UVSSA: variants seen among roughly 807,000 people sequenced by gnomAD.
The protein encoded by UVSSA is UV-stimulated scaffold protein A.
UVSSA carries 72 observed loss-of-function variants against 73.9 expected under a neutral mutation model. The ratio of observed to expected loss-of-function variants is 0.97; its 90% CI spans 0.81 to 1.19. The LOEUF is 1.19. Among genes scored for constraint, UVSSA ranks in the 50% most tolerant of loss-of-function variants. The pLI is 0.00. For missense variants in UVSSA, 1,150 were observed against 965.0 expected (o/e 1.19, Z -2.54); for synonymous variants, 454 against 391.3 (o/e 1.16, Z -1.89).
chr4:1,351,055 G>A (rs1055690631), intron 3 of UVSSA, among the ~76,000 whole-genome samples: 5 of 150,742 alleles, frequency 3.3e-5, no homozygotes, highest in East Asian at 3.9e-4. Flanking sequence ...ACAGGCACAC[G>A]CCACCACACC....
At chr4:1,343,085 C>T (rs990185492), upstream of UVSSA, among the ~76,000 whole-genome samples, 12 of 151,968 alleles carry the variant, frequency 7.9e-5, no homozygotes, top group African/African-American at 2.7e-4. Flanking sequence ...TATTTGGGGA[C>T]GGTATTAGTT....
chr4:1,368,073 C>A (rs1231656485), intron 8 of UVSSA, among the ~76,000 whole-genome samples: 1 of 152,242 alleles, frequency 6.6e-6, no homozygotes, highest in Non-Finnish European at 1.5e-5. Flanking sequence ...GAGGTGTCTC[C>A]TGGAGGTGCT....
At position 1,353,076 on chromosome 4, in the gene UVSSA, C is replaced by T. The variant is rs1264405373; in HGVS notation, c.597C>T (p.Cys199=). Residue 199 remains cysteine (C), a synonymous_variant, in exon 5 of 14, where the codon TGC becomes TGT. Transcript: ENST00000389851. ...CCTGCTTGACGGAGGTAGAGAGCTG[C>T]TTTAGGCTGCTGGTGCCTTTTGACT... The part of the protein sequence containing the change: ...IESCLTEVES[C]FRLLVPFDFD... The T allele has an allele frequency of 2.5e-6, 4 of 1,612,986 alleles. No homozygotes were observed. Among genetic ancestry groups the T allele is most frequent in the Non-Finnish European group, 3.4e-6 (4 of 1,179,968 alleles).
intron 5 of UVSSA, 79 bp from the exon 6 acceptor site, chr4:1,354,656 C>T: frequency 1.5e-6 from 2 of 1,353,494 alleles, no homozygotes; most frequent in Non-Finnish European, 2.1e-6. Context: ...AGCAGCCTTC[C>T]TTGCATGGTC....
At chr4:1,388,923 T>C (rs1307168329), downstream of UVSSA, 1 of 152,218 alleles carries the variant, frequency 6.6e-6, no homozygotes, top group Admixed American at 6.5e-5. Flanking sequence ...TTAGCTTTAG[T>C]CACGTCACTA....
intron 7 of UVSSA, among the ~76,000 whole-genome samples, chr4:1,361,186 C>T (rs565496013): frequency 6.6e-6 from 1 of 152,358 alleles, no homozygotes; most frequent in African/African-American, 2.4e-5. Context: ...AGGCCTCCTC[C>T]TCTCACACCC....
chr4:1,372,794 T>A (rs5015163), intron 8 of UVSSA, among the ~76,000 whole-genome samples: 48 of 43,766 alleles, frequency 1.1e-3, no homozygotes, highest in Middle Eastern at 0.011. Context: ...CCCGCGTCCC[T>A]GCACTCACCT....
At position 1,376,146 on chromosome 4, in the gene UVSSA, C is replaced by T; in HGVS notation, c.1546C>T (p.Pro516Ser). 6.2e-7 allele frequency: 1 copy of T among 1,610,432 alleles called. No individual in the cohort carries two copies. Among genetic ancestry groups the T allele is most frequent in the Non-Finnish European group, 8.5e-7 (1 of 1,178,728 alleles). The change falls in exon 10 of 14, where the codon CCC (proline) becomes TCC (serine). Residue 516 changes from proline (P) to serine (S), a missense_variant. By Grantham distance (74) the Pro-to-Ser change is moderately conservative. Coordinates refer to ENST00000389851, the MANE Select transcript of UVSSA (RefSeq NM_020894.4). Reference protein sequence around the residue: ...VDLHYWGQELPTAGKIVKSDS... With the variant: ...VDLHYWGQELSTAGKIVKSDS... Reference sequence around the variant, plus strand: ...CCTGCACTACTGGGGCCAGGAGCTCCCCACAGCCGGGAAGATTGTCAAGTG... The same window carrying T: ...CCTGCACTACTGGGGCCAGGAGCTCTCCACAGCCGGGAAGATTGTCAAGTG...
chr4:1,393,486 C>CGG (rs1266804571), exon 14 of UVSSA: 1 of 152,056 alleles, frequency 6.6e-6, no homozygotes, highest in Non-Finnish European at 1.5e-5. Context: ...ACCCGGGAGG[C>CGG]AGAGGTTGCA....
intron 6 of UVSSA, 39 bp from the exon 7 acceptor site, chr4:1,355,078 C>G (rs1325714756): frequency 6.2e-7 from 1 of 1,606,080 alleles, no homozygotes; most frequent in Non-Finnish European, 8.5e-7. Context: ...CAGGTCCTGC[C>G]CGGCCGGCCC....
chr4:1,379,535 C>T (rs1003938703), intron 10 of UVSSA, among the ~76,000 whole-genome samples: 8 of 152,232 alleles, frequency 5.3e-5, no homozygotes, highest in Non-Finnish European at 1.2e-4. Context: ...GTCTCCAGCA[C>T]CCGGCCCCTC....
chr4:1,377,915 A>T (rs899746951), intron 10 of UVSSA, among the ~76,000 whole-genome samples: 1 of 152,150 alleles, frequency 6.6e-6, no homozygotes, highest in African/African-American at 2.4e-5. Context: ...GCCCCATGTC[A>T]GCTGCGTGGA....
rs561607492 is a variant in UVSSA at position 1,350,732 on chromosome 4, C to T, written c.429+878C>T. Among the ~76,000 whole-genome samples the T allele has an allele frequency of 3.3e-4, 50 of 151,356 alleles. 1 individual carries two copies. In the South Asian group the frequency reaches 0.01, roughly 32 times the overall value. ...ATCACCTGGTCCTGGGAGTTTGAGT[C>T]CAGCCTTGGTAACACAGCAAGACCG... On this transcript the variant is annotated intron_variant, in intron 3 of 13. Transcript: ENST00000389851.
intron 13 of UVSSA, 108 bp downstream of exon 13, chr4:1,384,048 G>A: frequency 7.4e-7 from 1 of 1,354,512 alleles, no homozygotes. Flanking sequence ...GGGCCTCCAG[G>A]GGCTCCCCTG....
chr4:1,361,097 C>G (rs143921330), intron 7 of UVSSA, among the ~76,000 whole-genome samples: 1 of 152,362 alleles, frequency 6.6e-6, no homozygotes, highest in East Asian at 1.9e-4. Flanking sequence ...CTCTATCTGG[C>G]AGGCAGCCCC....
At chr4:1,354,201 G>A (rs932684759) in intron 5 of UVSSA, among the ~76,000 whole-genome samples, 1 of 152,232 alleles carries the variant, frequency 6.6e-6, no homozygotes, top group Non-Finnish European at 1.5e-5. Flanking sequence ...TGTGCGGGGT[G>A]GACACCGCTG....
At chr4:1,372,073 C>T (rs1016931371) in intron 8 of UVSSA, among the ~76,000 whole-genome samples, 2 of 151,970 alleles carry the variant, frequency 1.3e-5, no homozygotes, top group Admixed American at 6.6e-5. Flanking sequence ...CTTTTTTTAC[C>T]CTCCTATTTT....
chr4:1,345,690 A>G (rs1051526345), upstream of UVSSA, among the ~76,000 whole-genome samples: 5 of 147,886 alleles, frequency 3.4e-5, no homozygotes, highest in African/African-American at 1.3e-4. Flanking sequence ...CAGGGCCATC[A>G]GCGGATACAG....
At chr4:1,366,807 G>A (rs1387267768) in intron 8 of UVSSA, among the ~76,000 whole-genome samples, 1 of 152,152 alleles carries the variant, frequency 6.6e-6, no homozygotes, top group Non-Finnish European at 1.5e-5. Flanking sequence ...ACACCGGCCT[G>A]CACACCCAGC....
Sources: gnomAD v4.1 joint callset for allele counts (sites outside exome capture counted in the v4.1 genomes callset) on GRCh38, gnomAD v4.1.1 for gene constraint, MANE v1.5 for transcripts, NCBI Gene and HGNC (gene_info 2026-07-23, HGNC 2026-07-21) for gene names.